The following CACNA1D variants were observed in gnomAD, a reference collection of about 807,000 sequenced individuals.
CACNA1D encodes the protein voltage-dependent L-type calcium channel subunit alpha-1D.
Under a neutral mutation model 257.1 loss-of-function variants are expected in CACNA1D, and 55 were observed. That is an observed-to-expected ratio of 0.21 (90% CI 0.17 to 0.27). The LOEUF (loss-of-function observed/expected upper bound fraction) is 0.27. Among genes scored for constraint, CACNA1D ranks in the 10% least tolerant of loss-of-function variants. CACNA1D has a pLI of 1.00. For synonymous variants in CACNA1D, 980 were observed against 1,014.9 expected (o/e 0.97, Z 0.65); for missense variants, 1,876 against 2,784.0 (o/e 0.67, Z 7.34).
chr3:53,586,440 A>ATTT (rs397950611), intron 3 of CACNA1D, among the ~76,000 whole-genome samples: 1 of 145,234 alleles, frequency 6.9e-6, no homozygotes, highest in African/African-American at 2.5e-5. Flanking sequence ...GTCCTCACCT[A>ATTT]TTTTTTTTTT....
intron 39 of CACNA1D, among the ~76,000 whole-genome samples, chr3:53,783,543 G>C (rs1220716770): frequency 6.6e-6 from 1 of 152,178 alleles, no homozygotes; most frequent in Non-Finnish European, 1.5e-5. Context: ...AGAGAAGTGG[G>C]GCCTTAGGAG....
At position 53,731,850 on chromosome 3, in the gene CACNA1D, A is replaced by G. The variant is rs951749477; in HGVS notation, c.2407-166A>G. Among the ~76,000 whole-genome samples, 3 of 152,240 alleles carry G rather than the reference A, an allele frequency of 2.0e-5. No individual in the cohort carries two copies. The South Asian group carries it at 6.2e-4, about 31-fold the overall frequency. On this transcript the variant is annotated intron_variant, in intron 17 of 47. Coordinates refer to ENST00000350061, the MANE Select transcript of CACNA1D (RefSeq NM_001128840.3). ...ACCTGCCCTCAGGCCTTCTGTCTGA[A>G]GCAGAATCACCATCTGGGGACATCT...
intron 8 of CACNA1D, among the ~76,000 whole-genome samples, chr3:53,678,271 C>T (rs79150283): frequency 0.076 from 11,542 of 152,186 alleles, 660 homozygotes; most frequent in East Asian, 0.27. Context: ...GTTTTGGCAA[C>T]AACTTATGAA....
At chr3:53,664,684 T>C (rs1377065837) in intron 5 of CACNA1D, among the ~76,000 whole-genome samples, 1 of 152,280 alleles carries the variant, frequency 6.6e-6, no homozygotes, top group Non-Finnish European at 1.5e-5. Context: ...CTTTGGGCTG[T>C]GCCCAGAGAG....
intron 2 of CACNA1D, among the ~76,000 whole-genome samples, chr3:53,499,990 T>G (rs921956530): frequency 6.6e-6 from 1 of 152,030 alleles, no homozygotes; most frequent in Non-Finnish European, 1.5e-5. Context: ...GCTGACTGGC[T>G]TAAAAAAAAT....
chr3:53,724,021 CG>C, intron 14 of CACNA1D, 22 bp downstream of exon 14: 1 of 1,592,432 alleles, frequency 6.3e-7, no homozygotes, highest in South Asian at 1.1e-5. Flanking sequence ...CTCCATTCCC[CG>C]AAAAGCACTT....
chr3:53,703,916 G>A (rs987634280), intron 9 of CACNA1D, among the ~76,000 whole-genome samples: 3 of 152,196 alleles, frequency 2.0e-5, no homozygotes, highest in Non-Finnish European at 4.4e-5. Flanking sequence ...ACGAGGGATC[G>A]AGGACAGGGC....
chr3:53,753,632 G>A lies in CACNA1D; in HGVS notation c.3736G>A (p.Gly1246Arg). The A allele has an allele frequency of 6.2e-7, 1 of 1,613,716 alleles. No individual in the cohort carries two copies. Among genetic ancestry groups the A allele is most frequent in the South Asian group, 1.1e-5 (1 of 91,066 alleles). Residue 1246 changes from glycine to arginine, a missense_variant, in exon 29 of 48, where the codon GGG becomes AGG. By Grantham distance (125) the Gly-to-Arg change is moderately radical. Around this residue, in one of 10 missense-constraint regions of CACNA1D, gnomAD observed 204 missense variants for 309.4 expected, o/e 0.66. Transcript: ENST00000350061. ...AMDILNMVFT[G>R]VFTVEMVLKV... is the part of the protein sequence containing the mutation. ...GGACATTCTGAACATGGTCTTCACC[G>A]GGGTGTTCACCGTCGAGATGGTTTT...
intron 46 of CACNA1D, chr3:53,809,693 A>T (rs987332004): frequency 1.8e-5 from 9 of 489,180 alleles, no homozygotes; most frequent in Middle Eastern, 5.7e-4. Context: ...GGCTTCCCTG[A>T]TTCTTCATTC....
rs1434481057 is a variant in CACNA1D at position 53,673,294 on chromosome 3, A to T, written c.1220+168A>T. 6.6e-6 allele frequency among the ~76,000 whole-genome samples: 1 copy of T among 152,060 alleles called. No homozygotes were observed. The highest frequency in any genetic ancestry group is 1.5e-5 in the Non-Finnish European group (1 of 68,006). ...TTCCCAAATCAAGCTGTTTCCTGGA[A>T]CCTCACCAGGCTTCATGAAGGAGAA... is the stretch of plus-strand genomic sequence containing the variant. On this transcript the variant is annotated intron_variant, in intron 8 of 47. Coordinates refer to ENST00000350061, the MANE Select transcript of CACNA1D (RefSeq NM_001128840.3). The surrounding 1 kb of genome is among the most constrained non-coding windows in gnomAD (Gnocchi z 4.1).
At chr3:53,535,966 T>G (rs1475938830) in intron 3 of CACNA1D, among the ~76,000 whole-genome samples, 1 of 152,214 alleles carries the variant, frequency 6.6e-6, no homozygotes, top group Non-Finnish European at 1.5e-5. Context: ...GCCAGCATAC[T>G]TAATATGTGT....
intron 3 of CACNA1D, among the ~76,000 whole-genome samples, chr3:53,592,287 C>T (rs965279105): frequency 2.6e-5 from 4 of 152,072 alleles, no homozygotes; most frequent in Admixed American, 1.3e-4. Context: ...GTGAAGGGAG[C>T]AAGCTGTGAG....
At chr3:53,583,669 AT>A (rs1300077806) in intron 3 of CACNA1D, among the ~76,000 whole-genome samples, 4 of 152,176 alleles carry the variant, frequency 2.6e-5, no homozygotes. Flanking sequence ...TCTATTTATA[AT>A]CAAAAGCTCT....
At chr3:53,572,615 G>A (rs1012591923) in intron 3 of CACNA1D, among the ~76,000 whole-genome samples, 1 of 152,044 alleles carries the variant, frequency 6.6e-6, no homozygotes, top group Non-Finnish European at 1.5e-5. Context: ...GCCCAGGCTG[G>A]TCTCGAACTC....
At chr3:53,778,034 C>T (rs1266161685) in intron 37 of CACNA1D, among the ~76,000 whole-genome samples, 1 of 152,134 alleles carries the variant, frequency 6.6e-6, no homozygotes, top group Admixed American at 6.6e-5. Context: ...TAGACAGAAA[C>T]CAAGGTAGCA....
intron 4 of CACNA1D, among the ~76,000 whole-genome samples, chr3:53,651,648 C>T (rs543707419): frequency 6.6e-6 from 1 of 152,272 alleles, no homozygotes; most frequent in Admixed American, 6.5e-5. Context: ...AAAATGAATC[C>T]ATGTTACAGG....
At chr3:53,609,944 A>G (rs954369115) in intron 3 of CACNA1D, among the ~76,000 whole-genome samples, 2 of 152,156 alleles carry the variant, frequency 1.3e-5, no homozygotes, top group African/African-American at 2.4e-5. Flanking sequence ...GGTATGTTGC[A>G]TATTATTTCA....
chr3:53,700,135 T>C (rs2094609425), intron 8 of CACNA1D, among the ~76,000 whole-genome samples: 1 of 149,890 alleles, frequency 6.7e-6, no homozygotes, highest in African/African-American at 2.4e-5. Flanking sequence ...GTATATAATG[T>C]ATGTAATTAT....
At position 53,722,345 on chromosome 3, in the gene CACNA1D, C is replaced by T. The variant is rs751711138; in HGVS notation, c.1537C>T (p.Arg513Cys). 4 of 1,614,204 alleles carry T rather than the reference C, an allele frequency of 2.5e-6. No homozygotes were observed. The highest frequency in any genetic ancestry group is 1.7e-6 in the Non-Finnish European group (2 of 1,180,042). Reference sequence around the variant, plus strand: ...CTGGCGTCGCTGGAACCGATTCAATCGCAGAAGATGTAGGGCCGCCGTGAA... The same window carrying T: ...CTGGCGTCGCTGGAACCGATTCAATTGCAGAAGATGTAGGGCCGCCGTGAA... ...RRWRRWNRFN[R>C]RRCRAAVKSV... Residue 513 changes from arginine to cysteine, a missense_variant, in exon 12 of 48, where the codon CGC becomes TGC. By Grantham distance (180) the Arg-to-Cys change is radical. This residue lies in a region of CACNA1D where 257 missense variants were observed against 399.7 expected (regional missense o/e 0.64). Transcript: ENST00000350061.
Sources: gnomAD v4.1 joint callset for allele counts (sites outside exome capture counted in the v4.1 genomes callset) on GRCh38, gnomAD v4.1.1 for gene constraint, gnomAD v4.1.1 regional missense constraint, Gnocchi (gnomAD v3.1) non-coding constraint, MANE v1.5 for transcripts, NCBI Gene and HGNC (gene_info 2026-07-23, HGNC 2026-07-21) for gene names.